TFAP4: variants seen among roughly 807,000 people sequenced by gnomAD.
TFAP4 encodes activating enhancer-binding protein 4.
TFAP4 carries 7 observed loss-of-function variants against 40.4 expected under a neutral mutation model. The observed-to-expected ratio is 0.17, with a 90% CI of 0.10 to 0.33. TFAP4 has a LOEUF of 0.33. TFAP4 is among the 10% of genes least tolerant of loss of function. The pLI, the probability that TFAP4 is intolerant of heterozygous loss-of-function variation, is 1.00. For synonymous variants in TFAP4, 218 were observed against 181.4 expected, an observed-to-expected ratio of 1.20 and a Z score of -1.62; for missense variants, 374 against 451.1, an observed-to-expected ratio of 0.83 and a Z score of 1.55.
At position 4,258,153 on chromosome 16, in the gene TFAP4, C is replaced by T. The variant is rs2052913415; in HGVS notation, c.919G>A (p.Ala307Thr). ...TCGGAGGCGGTGTCAGAGGTGGGGG[C>T]CTCCGGGCAGCTGCGGACAGGCTTC... Reference protein sequence around the residue: ...IVKPVRSCPEAPTSDTASDSE... With the variant: ...IVKPVRSCPETPTSDTASDSE... Residue 307 changes from alanine (A) to threonine (T), a missense_variant, in exon 7 of 7, where the codon GCC (alanine) becomes ACC (threonine). Transcript: ENST00000204517. 1.2e-6 allele frequency: 2 copies of T among 1,613,876 alleles called. No individual in the cohort carries two copies. The highest frequency in any genetic ancestry group is 1.3e-5 in the African/African-American group (1 of 74,922).
chr16:4,257,192 AC>A lies in TFAP4; in HGVS notation c.*862del, dbSNP rs1304878763. ...ACCCAGGAGACTCAGAATCTAAAAA[AC>A]AAAGTACAAACTTTATTTTGTTTCT... On this transcript the variant is annotated 3_prime_UTR_variant, in exon 7 of 7. Coordinates refer to ENST00000204517, the MANE Select transcript of TFAP4 (RefSeq NM_003223.3). 3 of 152,424 alleles carry A rather than the reference AC, an allele frequency of 2.0e-5. No homozygotes were observed. In the East Asian group the frequency reaches 5.8e-4, roughly 29 times the overall value. The allele number at this position is 152,424 out of a possible 1,614,324, so 9.4% of individuals were successfully genotyped here. A position where few individuals can be genotyped will look rare whatever the true frequency, so the allele number is the denominator to read the frequency against.
intron 6 of TFAP4, 173 bp from the exon 7 acceptor site, chr16:4,258,422 T>A (rs1256959762): frequency 5.7e-6 from 3 of 522,622 alleles, no homozygotes; most frequent in Non-Finnish European, 9.9e-6. Flanking sequence ...CTCCTTTTAC[T>A]TTTTTTTTGG....
chr16:4,262,242 GCCACA>G, intron 3 of TFAP4, 77 bp downstream of exon 3: 2 of 1,469,290 alleles, frequency 1.4e-6, no homozygotes, highest in South Asian at 2.3e-5. Flanking sequence ...GGGGCCTGCA[GCCACA>G]CCTGAGTCCC....
Position 4,261,767 on chromosome 16 carries a change from G to A in TFAP4, c.525+12C>T. The A allele has an allele frequency of 1.9e-6, 3 of 1,593,946 alleles. No homozygotes were observed. The highest frequency in any genetic ancestry group is 2.6e-6 in the Non-Finnish European group (3 of 1,172,282). The stretch of plus-strand genomic sequence containing the variant: ...CACCGCGCGCCGTGCCCAGCAGAGG[G>A]CGCTGCCTCACCTGCTCCTCCAGCA... On this transcript the variant is annotated intron_variant, in intron 4 of 6. Transcript: ENST00000204517.
At chr16:4,272,257 C>G (rs1339591171) in intron 1 of TFAP4, among the ~76,000 whole-genome samples, 1 of 151,968 alleles carries the variant, frequency 6.6e-6, no homozygotes, top group African/African-American at 2.4e-5. Context: ...CCCCCAGACC[C>G]CCTTGGATGG....
In TFAP4 at chr16:4,257,941, C is replaced by A; in HGVS notation, c.*114G>T. On this transcript the variant is annotated 3_prime_UTR_variant, in exon 7 of 7. Transcript: ENST00000204517. ...ATTGAAAAAGAGGTCATAAAAGAGA[C>A]CCAAATGACATCGTAATTTTGTAAA... is the stretch of plus-strand genomic sequence containing the variant. 1 of 1,049,692 alleles carries A rather than the reference C, an allele frequency of 9.5e-7. No homozygotes were observed. Among genetic ancestry groups the A allele is most frequent in the South Asian group, 1.6e-5 (1 of 63,478 alleles). The allele number at this position is 1,049,692 out of a possible 1,614,324, so 65.0% of individuals were successfully genotyped here.
intron 1 of TFAP4, among the ~76,000 whole-genome samples, chr16:4,268,900 T>G (rs1188952220): frequency 6.7e-6 from 1 of 150,064 alleles, no homozygotes; most frequent in Non-Finnish European, 1.5e-5. Context: ...AGTCTTACTG[T>G]TTTTTTTAAG....
chr16:4,263,576 AAGTACC>A (rs1003446120), intron 1 of TFAP4: 1 of 152,432 alleles, frequency 6.6e-6, no homozygotes, highest in African/African-American at 2.4e-5. Flanking sequence ...CACAGAAGAC[AAGTACC>A]ACTCACTCCC....
At chr16:4,270,996 C>T (rs2053035698) in intron 1 of TFAP4, among the ~76,000 whole-genome samples, 1 of 152,264 alleles carries the variant, frequency 6.6e-6, no homozygotes, top group Admixed American at 6.5e-5. Flanking sequence ...ATTATGACAA[C>T]TCAGTGAGAA....
rs552878285 is a variant in TFAP4, at chr16:4,272,903, G to A, written c.-157C>T. ...GGCGGCGGCGAGGGGAGGGAGGCGG[G>A]CGGGAGGGGCGGGAGGGAGGTCTCT... On this transcript the variant is annotated 5_prime_UTR_variant, in exon 1 of 7. Transcript: ENST00000204517. The A allele has an allele frequency of 3.2e-4, 185 of 571,720 alleles. 10 individuals carry two copies. In the South Asian group the frequency reaches 3.3e-3, roughly 10 times the overall value. The allele number at this position is 571,720 out of a possible 1,614,324, so 35.4% of individuals were successfully genotyped here.
At chr16:4,268,817 C>A (rs898793468) in intron 1 of TFAP4, among the ~76,000 whole-genome samples, 13 of 152,010 alleles carry the variant, frequency 8.6e-5, no homozygotes, top group African/African-American at 3.1e-4. Flanking sequence ...TGGTCTCGAA[C>A]TCCTGGGCTC....
intron 3 of TFAP4, 140 bp from the exon 4 acceptor site, chr16:4,262,089 A>G: frequency 2.0e-6 from 2 of 1,021,552 alleles, no homozygotes; most frequent in Non-Finnish European, 2.8e-6. Context: ...CCAACAAACC[A>G]GCCAAATGCC....
rs34634533 is a variant in TFAP4 at position 4,257,311 on chromosome 16, T to TAAAAAAAAAAAAAAAAA, written c.*743_*744insTTTTTTTTTTTTTTTTT. 8.7e-6 allele frequency: 1 copy of TAAAAAAAAAAAAAAAAA among 114,780 alleles called. No homozygotes were observed. The highest frequency in any genetic ancestry group is 3.4e-5 in the African/African-American group (1 of 29,506). 7.1% of individuals were successfully genotyped at this position (114,780 alleles called of 1,614,324 possible). A position where few individuals can be genotyped will look rare whatever the true frequency, so the allele number is the denominator to read the frequency against. ...CTTGAACACGAAGACCTCAAAATTGTAAAAAAAAAAAAAAAAGAAAGAAAA... is the reference window on the plus strand; with the variant it reads ...CTTGAACACGAAGACCTCAAAATTGTAAAAAAAAAAAAAAAAAAAAAAAAAAAAAAAAAGAAAGAAAA... On this transcript the variant is annotated 3_prime_UTR_variant, in exon 7 of 7. Coordinates refer to ENST00000204517, the MANE Select transcript of TFAP4 (RefSeq NM_003223.3).
intron 1 of TFAP4, among the ~76,000 whole-genome samples, chr16:4,271,832 G>A (rs899854732): frequency 6.6e-6 from 1 of 152,218 alleles, no homozygotes; most frequent in Non-Finnish European, 1.5e-5. Context: ...CATCGTGCCC[G>A]CGGGGGCCGA....
At position 4,272,666 on chromosome 16, in the gene TFAP4, C is replaced by A. The variant is rs375999150; in HGVS notation, c.81G>T (p.Gly27=). ...GGAGGAGGAGTACACACCTACAGAGCCCTCCTATCACTTCTTTCTCTGTTT... is the reference window on the plus strand; with the variant it reads ...GGAGGAGGAGTACACACCTACAGAGACCTCCTATCACTTCTTTCTCTGTTT... The part of the protein sequence containing the change: ...FRKTEKEVIG[G]LCSLANIPLT... The change falls in exon 1 of 7, where the codon GGG becomes GGT. Residue 27 remains glycine, a synonymous_variant. Coordinates refer to ENST00000204517, the MANE Select transcript of TFAP4 (RefSeq NM_003223.3). 3 of 1,611,728 alleles carry A rather than the reference C, an allele frequency of 1.9e-6. No homozygotes were observed. In the African/African-American group the frequency reaches 4.0e-5, roughly 22 times the overall value.
At chr16:4,261,209 C>T (rs546357943) in intron 4 of TFAP4, among the ~76,000 whole-genome samples, 33 of 152,128 alleles carry the variant, frequency 2.2e-4, no homozygotes, top group African/African-American at 7.7e-4. Flanking sequence ...TGGGCTCAAG[C>T]GATCCTCCCA....
At chr16:4,262,826 A>G in intron 1 of TFAP4, 125 bp from the exon 2 acceptor site, 1 of 1,105,422 alleles carries the variant, frequency 9.0e-7, no homozygotes, top group Non-Finnish European at 1.3e-6. Flanking sequence ...CCAGAGAGTG[A>G]TGGAGGGGTG....
rs527655348 is a variant in TFAP4, at chr16:4,271,360, C to T, written c.89+1298G>A. Among the ~76,000 whole-genome samples, 16 of 152,348 alleles carry T rather than the reference C, an allele frequency of 1.1e-4. No homozygotes were observed. The South Asian group carries it at 2.7e-3, about 26-fold the overall frequency. Reference sequence around the variant, plus strand: ...GCCTCGGGCGGCAGAGCACGTGGCTCCAGCCCTGGGGAGCCATTTCGCTCC... The same window carrying T: ...GCCTCGGGCGGCAGAGCACGTGGCTTCAGCCCTGGGGAGCCATTTCGCTCC... On this transcript the variant is annotated intron_variant, in intron 1 of 6. Transcript: ENST00000204517.
intron 1 of TFAP4, 66 bp downstream of exon 1, chr16:4,272,592 C>G: frequency 7.4e-7 from 1 of 1,346,372 alleles, no homozygotes; most frequent in Non-Finnish European, 1.0e-6. Context: ...ACACGCGCGC[C>G]CGCCCGGGCG....
Sources: gnomAD v4.1 joint callset for allele counts (sites outside exome capture counted in the v4.1 genomes callset) on GRCh38, gnomAD v4.1.1 for gene constraint, MANE v1.5 for transcripts, NCBI Gene and HGNC (gene_info 2026-07-23, HGNC 2026-07-21) for gene names.